Variants in GRM3 observed in about 807,000 individuals in gnomAD.
The protein encoded by GRM3 is metabotropic glutamate receptor 3.
In GRM3, 26 loss-of-function variants were observed where a neutral mutation model predicts 70.5. The observed-to-expected ratio is 0.37, with a 90% confidence interval of 0.27 to 0.51. The LOEUF (loss-of-function observed/expected upper bound fraction) is 0.51, where lower values mean the gene tolerates loss of function less well. Among genes scored for constraint, GRM3 ranks in the 20% least tolerant of loss-of-function variants. The pLI is 0.93. For missense variants in GRM3, 859 were observed against 1,123.8 expected (o/e 0.76, Z 3.37); for synonymous variants, 443 against 434.9 (o/e 1.02, Z -0.23).
chr7:86,724,808 C>G (rs906331645), intron 1 of GRM3, among the ~76,000 whole-genome samples: 1 of 152,042 alleles, frequency 6.6e-6, no homozygotes, highest in Non-Finnish European at 1.5e-5. Flanking sequence ...ACTTGATGAT[C>G]ACTTACTCTT....
chr7:86,728,124 A>G (rs1562840665), intron 1 of GRM3, among the ~76,000 whole-genome samples: 1 of 152,084 alleles, frequency 6.6e-6, no homozygotes, highest in African/African-American at 2.4e-5. Context: ...TCTACTTTTT[A>G]TTATTACCAC....
intron 1 of GRM3, among the ~76,000 whole-genome samples, chr7:86,681,156 C>T (rs578177094): frequency 7.9e-5 from 12 of 152,114 alleles, no homozygotes; most frequent in African/African-American, 2.9e-4. Flanking sequence ...AAACTCGTAC[C>T]GTAAGTCCTG....
intron 1 of GRM3, among the ~76,000 whole-genome samples, chr7:86,740,842 G>A (rs1317400631): frequency 6.6e-6 from 1 of 152,120 alleles, no homozygotes; most frequent in African/African-American, 2.4e-5. Context: ...CCAGAGTAAT[G>A]GAAATAATTT....
chr7:86,823,167 A>C (rs888773761), intron 3 of GRM3, among the ~76,000 whole-genome samples: 3 of 152,194 alleles, frequency 2.0e-5, no homozygotes, highest in African/African-American at 7.2e-5. Flanking sequence ...GCTTCCTATT[A>C]CACAGCCCTG....
At chr7:86,659,770 C>G (rs1210909087) in intron 1 of GRM3, among the ~76,000 whole-genome samples, 2 of 151,966 alleles carry the variant, frequency 1.3e-5, no homozygotes, top group African/African-American at 4.8e-5. Flanking sequence ...GCTGGAAAGT[C>G]AGCTGTCATG....
chr7:86,826,263 T>C (rs1025926182), intron 3 of GRM3, among the ~76,000 whole-genome samples: 1 of 152,150 alleles, frequency 6.6e-6, no homozygotes, highest in Non-Finnish European at 1.5e-5. Flanking sequence ...GGGAGAAAAT[T>C]TGCATTCAGA....
chr7:86,827,578 A>G (rs867360313), intron 3 of GRM3, among the ~76,000 whole-genome samples: 2 of 151,572 alleles, frequency 1.3e-5, no homozygotes, highest in African/African-American at 4.9e-5. Context: ...CAATGGCCCT[A>G]TCTCGGCTCA....
chr7:86,709,743 T>C (rs1016004270), intron 1 of GRM3, among the ~76,000 whole-genome samples: 22 of 152,082 alleles, frequency 1.4e-4, no homozygotes, highest in African/African-American at 5.3e-4. Context: ...ATTGTACAGA[T>C]CTAGGAATGC....
At chr7:86,845,472 GC>G (rs1798638141) in intron 4 of GRM3, among the ~76,000 whole-genome samples, 1 of 152,002 alleles carries the variant, frequency 6.6e-6, no homozygotes, top group Non-Finnish European at 1.5e-5. Context: ...CTTCACACCA[GC>G]CCCAGCCCTA....
At chr7:86,690,541 C>A (rs1278810969) in intron 1 of GRM3, among the ~76,000 whole-genome samples, 5 of 152,028 alleles carry the variant, frequency 3.3e-5, no homozygotes, top group South Asian at 2.1e-4. Context: ...TTAAAGCAGA[C>A]ATATGTGAAA....
At chr7:86,645,107 A>AGATC (rs1162432275) in intron 1 of GRM3, 33 of 346,624 alleles carry the variant, frequency 9.5e-5, no homozygotes, top group African/African-American at 6.9e-4. Context: ...ATTTCAGGGC[A>AGATC]TAGATCTGCG....
rs184577816 is a variant in GRM3 at position 86,697,001 on chromosome 7, G to A, written c.-141+52129G>A. Among the ~76,000 whole-genome samples the A allele has an allele frequency of 3.0e-4, 45 of 152,270 alleles. No individual in the cohort carries two copies. The East Asian group carries it at 8.3e-3, about 28-fold the overall frequency. ...CCTATTGGGAATATGGACGGTAAAA[G>A]ATGTCTATTTCTTATAGTTTCTTAA... On this transcript the variant is annotated intron_variant, in intron 1 of 5. Coordinates refer to ENST00000361669, the MANE Select transcript of GRM3 (RefSeq NM_000840.3).
At chr7:86,646,561 G>C (rs1793477226) in intron 1 of GRM3, among the ~76,000 whole-genome samples, 1 of 151,984 alleles carries the variant, frequency 6.6e-6, no homozygotes, top group Admixed American at 6.6e-5. Context: ...AGATGAAAAA[G>C]AATATGGCAA....
intron 3 of GRM3, among the ~76,000 whole-genome samples, chr7:86,801,123 T>A (rs1279006326): frequency 7.2e-6 from 1 of 138,746 alleles, no homozygotes; most frequent in African/African-American, 2.8e-5. Flanking sequence ...CCAACTGGAG[T>A]GCAGTGGCAT....
chr7:86,830,244 G>A (rs1287458872), intron 3 of GRM3, among the ~76,000 whole-genome samples: 1 of 152,186 alleles, frequency 6.6e-6, no homozygotes, highest in Non-Finnish European at 1.5e-5. Context: ...CCAAGCTGAT[G>A]AGTAAGCTGG....
chr7:86,739,879 T>A (rs1795947402), intron 1 of GRM3, among the ~76,000 whole-genome samples: 1 of 152,228 alleles, frequency 6.6e-6, no homozygotes, highest in Non-Finnish European at 1.5e-5. Flanking sequence ...CTTCAGCAAC[T>A]TACTGATCCT....
intron 1 of GRM3, among the ~76,000 whole-genome samples, chr7:86,704,668 T>C (rs915114480): frequency 2.0e-5 from 3 of 151,882 alleles, no homozygotes. Context: ...GTTCTTACCA[T>C]GAATAAATTT....
At chr7:86,722,692 C>T (rs1022520850) in intron 1 of GRM3, among the ~76,000 whole-genome samples, 2 of 151,924 alleles carry the variant, frequency 1.3e-5, no homozygotes, top group African/African-American at 4.8e-5. Context: ...CACCATTGCA[C>T]CTGTACACCT....
intron 2 of GRM3, among the ~76,000 whole-genome samples, chr7:86,768,968 C>T (rs1022055433): frequency 6.6e-6 from 1 of 152,086 alleles, no homozygotes; most frequent in Non-Finnish European, 1.5e-5. Flanking sequence ...GTGTGTTATT[C>T]CTTTGAAACA....
Sources: allele counts gnomAD v4.1 joint callset (sites outside exome capture counted in the v4.1 genomes callset), GRCh38; gene constraint gnomAD v4.1.1; transcripts MANE v1.5; gene names NCBI Gene and HGNC (gene_info 2026-07-23, HGNC 2026-07-21).